The following NBAS variants were observed in gnomAD, a reference collection of about 807,000 sequenced individuals.
NBAS encodes the protein NBAS subunit of NRZ tethering complex, also known as NAG/BC035112 fusion.
A neutral mutation model predicts 302.5 loss-of-function variants in NBAS; 219 were observed. The observed-to-expected ratio is 0.72, with a 90% CI of 0.65 to 0.81. The LOEUF (loss-of-function observed/expected upper bound fraction) is 0.81, where lower values mean the gene tolerates loss of function less well. NBAS is among the 30% of genes least tolerant of loss of function. The pLI is 0.00. For synonymous variants in NBAS, 1,118 were observed against 1,021.6 expected, an observed-to-expected ratio of 1.09 and a Z score of -1.80; for missense variants, 2,932 against 2,841.6, an observed-to-expected ratio of 1.03 and a Z score of -0.72.
chr2:15,153,899 G>T, the NBAS span, among the ~76,000 whole-genome samples: 1 of 152,212 alleles, frequency 6.6e-6, no homozygotes, highest in African/African-American at 2.4e-5. Context: ...AAACTAAACA[G>T]TGCTGTACTA....
chr2:15,460,494 T>C (rs1174650516), intron 21 of NBAS, among the ~76,000 whole-genome samples: 1 of 152,224 alleles, frequency 6.6e-6, no homozygotes, highest in African/African-American at 2.4e-5. Context: ...AAGCAAGGTA[T>C]GCTAAGCCCT....
rs58852086 is a variant in NBAS at position 15,535,523 on chromosome 2, GAAATAAAT to G, written c.647+887_648-883del. Among the ~76,000 whole-genome samples, 72 of 99,782 alleles carry G rather than the reference GAAATAAAT, an allele frequency of 7.2e-4. 1 individual carries two copies. The highest frequency in any genetic ancestry group is 3.0e-3 in the East Asian group (14 of 4,632). 65.5% of individuals were successfully genotyped at this position (99,782 alleles called of 152,430 possible). A position where few individuals can be genotyped will look rare whatever the true frequency, so the allele number is the denominator to read the frequency against. On this transcript the variant is annotated intron_variant, in intron 8 of 51. Coordinates refer to ENST00000281513, the MANE Select transcript of NBAS (RefSeq NM_015909.4). ...GGCGACAGAGCAAGACTCCGTCTCA[GAAATAAAT>G]AAATAAATAAATAAATAAATAAATA... is the stretch of plus-strand genomic sequence containing the variant.
chr2:15,208,260 AT>A (rs1460863519), intron 48 of NBAS, among the ~76,000 whole-genome samples: 2 of 152,178 alleles, frequency 1.3e-5, no homozygotes. Context: ...GGAAGGGGAA[AT>A]CCCTTATAAA....
intron 6 of NBAS, among the ~76,000 whole-genome samples, chr2:15,541,026 T>C (rs1284387053): frequency 6.6e-6 from 1 of 152,130 alleles, no homozygotes; most frequent in Admixed American, 6.5e-5. Context: ...ACCCCGCCCA[T>C]ACGTGCCTTT....
At chr2:15,181,264 C>G (rs896064681) in intron 50 of NBAS, among the ~76,000 whole-genome samples, 8 of 152,136 alleles carry the variant, frequency 5.3e-5, no homozygotes, top group African/African-American at 1.9e-4. Flanking sequence ...CCTTGGCTTT[C>G]ATGACAAATT....
intron 44 of NBAS, among the ~76,000 whole-genome samples, chr2:15,265,827 G>A (rs1351107457): frequency 6.6e-6 from 1 of 152,104 alleles, no homozygotes; most frequent in Non-Finnish European, 1.5e-5. Context: ...GCAGGCACCA[G>A]GCAAGAGGAG....
At chr2:15,010,998 A>G in the NBAS span, among the ~76,000 whole-genome samples, 4 of 152,178 alleles carry the variant, frequency 2.6e-5, no homozygotes, top group Admixed American at 6.5e-5. Context: ...AAGTATGATA[A>G]TTTTCAAGCC....
At chr2:15,494,694 A>C (rs1282226897) in intron 11 of NBAS, among the ~76,000 whole-genome samples, 2 of 152,178 alleles carry the variant, frequency 1.3e-5, no homozygotes, top group African/African-American at 4.8e-5. Flanking sequence ...AGCTGAAATA[A>C]GACAATAAAG....
chr2:14,826,541 C>A, the NBAS span, among the ~76,000 whole-genome samples: 4 of 152,174 alleles, frequency 2.6e-5, no homozygotes, highest in African/African-American at 9.7e-5. Context: ...CCAAGCCATG[C>A]CAATCTCTCC....
chr2:15,085,282 C>T, the NBAS span, among the ~76,000 whole-genome samples: 1 of 152,104 alleles, frequency 6.6e-6, no homozygotes, highest in African/African-American at 2.4e-5. Flanking sequence ...AGTGGTGCAG[C>T]CACTGGGCCC....
chr2:15,556,515 C>G (rs1664653690), intron 3 of NBAS, among the ~76,000 whole-genome samples: 1 of 152,112 alleles, frequency 6.6e-6, no homozygotes, highest in Admixed American at 6.5e-5. Context: ...TATGGACATT[C>G]AAGATAAGCC....
At chr2:14,848,505 C>T in the NBAS span, among the ~76,000 whole-genome samples, 4 of 144,320 alleles carry the variant, frequency 2.8e-5, no homozygotes, top group East Asian at 1.9e-4. Context: ...GGGGGAGGGG[C>T]GCCCGCCATT....
chr2:14,993,130 C>T, the NBAS span, among the ~76,000 whole-genome samples: 1 of 152,164 alleles, frequency 6.6e-6, no homozygotes, highest in Admixed American at 6.5e-5. Flanking sequence ...AGCAACTTAT[C>T]CTGTAGGGCA....
At chr2:15,079,281 G>C in the NBAS span, among the ~76,000 whole-genome samples, 1 of 152,260 alleles carries the variant, frequency 6.6e-6, no homozygotes, top group South Asian at 2.1e-4. Context: ...CTAACTAGTC[G>C]TGTGGGCTTC....
the NBAS span, among the ~76,000 whole-genome samples, chr2:15,067,704 T>G: frequency 3.3e-5 from 5 of 152,110 alleles, no homozygotes; most frequent in African/African-American, 4.8e-5. Context: ...TTGCTGTTGA[T>G]TGGGTATAAA....
the NBAS span, among the ~76,000 whole-genome samples, chr2:14,981,257 GAA>G: frequency 6.6e-6 from 1 of 152,002 alleles, no homozygotes; most frequent in Non-Finnish European, 1.5e-5. Flanking sequence ...TCTGCAGAGA[GAA>G]AAAAACAATT....
At chr2:14,938,143 A>T in the NBAS span, among the ~76,000 whole-genome samples, 5 of 152,202 alleles carry the variant, frequency 3.3e-5, no homozygotes, top group South Asian at 4.2e-4. Flanking sequence ...AAAAAAAATT[A>T]AAAAAATAAT....
the NBAS span, among the ~76,000 whole-genome samples, chr2:14,914,455 T>C: frequency 6.6e-6 from 1 of 152,226 alleles, no homozygotes; most frequent in Non-Finnish European, 1.5e-5. Context: ...AAGGATGTGA[T>C]TGGCTTGTTT....
At chr2:15,014,527 C>T in the NBAS span, among the ~76,000 whole-genome samples, 47 of 151,946 alleles carry the variant, frequency 3.1e-4, no homozygotes, top group African/African-American at 1.0e-3. Flanking sequence ...TCCTGACTGA[C>T]CAATGGGTAA....
Sources: gnomAD v4.1 joint callset for allele counts (sites outside exome capture counted in the v4.1 genomes callset) on GRCh38, gnomAD v4.1.1 for gene constraint, MANE v1.5 for transcripts, NCBI Gene and HGNC (gene_info 2026-07-23, HGNC 2026-07-21) for gene names.